Variants in PTPRD observed in about 807,000 individuals in gnomAD.
The protein encoded by PTPRD is receptor-type tyrosine-protein phosphatase delta.
Under a neutral mutation model 214.5 loss-of-function variants are expected in PTPRD, and 34 were observed. That is an observed-to-expected ratio of 0.16 (90% CI 0.12 to 0.21). The LOEUF (loss-of-function observed/expected upper bound fraction) is 0.21. Ranked by LOEUF, PTPRD falls within the 10% of genes least tolerant of loss-of-function variation. PTPRD has a pLI of 1.00. For missense variants in PTPRD, 2,545 were observed against 2,398.7 expected (o/e 1.06, Z -1.27); for synonymous variants, 1,128 against 845.7 (o/e 1.33, Z -5.79).
intron 9 of PTPRD, among the ~76,000 whole-genome samples, chr9:9,219,709 G>A (rs1366262959): frequency 6.6e-6 from 1 of 152,174 alleles, no homozygotes; most frequent in Non-Finnish European, 1.5e-5. Flanking sequence ...TTGAGCACAA[G>A]TAAACCTTTG....
chr9:8,515,998 G>A (rs2097775203), intron 21 of PTPRD, among the ~76,000 whole-genome samples: 1 of 152,082 alleles, frequency 6.6e-6, no homozygotes, highest in South Asian at 2.1e-4. Context: ...TTCAAACCCT[G>A]GTTATGTTAC....
At chr9:8,341,598 C>T (rs768715853) in intron 40 of PTPRD, 95 bp downstream of exon 40, 38 of 1,395,868 alleles carry the variant, frequency 2.7e-5, no homozygotes, top group Non-Finnish European at 3.4e-5. Flanking sequence ...GAATCTTGTA[C>T]TTCACAAATT....
At chr9:9,987,062 G>A (rs114127557) in intron 4 of PTPRD, among the ~76,000 whole-genome samples, 202 of 152,220 alleles carry the variant, frequency 1.3e-3, no homozygotes, top group African/African-American at 4.7e-3. Flanking sequence ...AAGGGAAATC[G>A]AGAGAGCTTG....
chr9:8,451,261 C>T (rs187814617), intron 33 of PTPRD, among the ~76,000 whole-genome samples: 17 of 152,250 alleles, frequency 1.1e-4, no homozygotes, highest in African/African-American at 3.6e-4. Context: ...GTTGCTTTCT[C>T]GGTACCTTAG....
chr9:8,431,740 C>T (rs1407241703), intron 35 of PTPRD, among the ~76,000 whole-genome samples: 1 of 152,158 alleles, frequency 6.6e-6, no homozygotes, highest in East Asian at 1.9e-4. Context: ...TTTGTGGATA[C>T]CACAGCTGAC....
chr9:9,426,623 G>C (rs2081038929), intron 8 of PTPRD, among the ~76,000 whole-genome samples: 1 of 152,312 alleles, frequency 6.6e-6, no homozygotes, highest in Admixed American at 6.5e-5. Flanking sequence ...GTGGGACCCT[G>C]ACCCCCGAGT....
At chr9:9,196,915 T>G (rs1000831076) in intron 9 of PTPRD, among the ~76,000 whole-genome samples, 1 of 152,116 alleles carries the variant, frequency 6.6e-6, no homozygotes, top group Non-Finnish European at 1.5e-5. Flanking sequence ...CATAAACCAT[T>G]TCATGGAATA....
chr9:8,446,554 T>C (rs886076136), intron 34 of PTPRD, among the ~76,000 whole-genome samples: 1 of 152,220 alleles, frequency 6.6e-6, no homozygotes, highest in African/African-American at 2.4e-5. Context: ...GTACTGGTTA[T>C]ATAAATCACA....
intron 2 of PTPRD, among the ~76,000 whole-genome samples, chr9:10,401,534 T>C (rs981908860): frequency 6.6e-6 from 1 of 150,720 alleles, no homozygotes; most frequent in Non-Finnish European, 1.5e-5. Flanking sequence ...GTATATATAG[T>C]ATATCTGTGG....
intron 14 of PTPRD, among the ~76,000 whole-genome samples, chr9:8,616,305 G>C (rs2095610492): frequency 6.6e-6 from 1 of 152,084 alleles, no homozygotes. Context: ...GACTTTTCAA[G>C]TTGTAACATG....
chr9:9,152,843 G>C (rs2099878018), intron 10 of PTPRD, among the ~76,000 whole-genome samples: 1 of 152,162 alleles, frequency 6.6e-6, no homozygotes, highest in African/African-American at 2.4e-5. Context: ...CAGATAAATT[G>C]CTTGATTAGA....
intron 5 of PTPRD, among the ~76,000 whole-genome samples, chr9:9,835,052 T>A (rs73641379): frequency 0.048 from 7,299 of 152,136 alleles, 564 homozygotes; most frequent in African/African-American, 0.16. Flanking sequence ...CTTAGTTACA[T>A]AATCATCCAA....
intron 14 of PTPRD, among the ~76,000 whole-genome samples, chr9:8,533,779 C>A (rs2076277027): frequency 6.6e-6 from 1 of 151,960 alleles, no homozygotes; most frequent in African/African-American, 2.4e-5. Flanking sequence ...CAATGTTCAA[C>A]AAATACTCAC....
chr9:9,512,107 A>G (rs1013409004), intron 8 of PTPRD, among the ~76,000 whole-genome samples: 1 of 151,808 alleles, frequency 6.6e-6, no homozygotes. Context: ...GCATCTCACT[A>G]TAAGTTTAAT....
chr9:10,266,961 C>G (rs545995826), intron 3 of PTPRD, among the ~76,000 whole-genome samples: 2 of 151,700 alleles, frequency 1.3e-5, no homozygotes, highest in Non-Finnish European at 2.9e-5. Flanking sequence ...GAGGCCGAGG[C>G]GGGCGAATCA....
chr9:9,498,409 A>C (rs988594946), intron 8 of PTPRD, among the ~76,000 whole-genome samples: 6 of 152,140 alleles, frequency 3.9e-5, no homozygotes, highest in Admixed American at 2.6e-4. Flanking sequence ...TCCAGGTTAT[A>C]AACTTGGACT....
intron 4 of PTPRD, among the ~76,000 whole-genome samples, chr9:10,030,705 A>T (rs1476271354): frequency 6.6e-6 from 1 of 152,040 alleles, no homozygotes; most frequent in Non-Finnish European, 1.5e-5. Flanking sequence ...GAAAAATTCC[A>T]GTTGAGAAAA....
At chr9:9,913,704 C>T (rs963386960) in intron 5 of PTPRD, among the ~76,000 whole-genome samples, 2 of 152,176 alleles carry the variant, frequency 1.3e-5, no homozygotes, top group Non-Finnish European at 2.9e-5. Flanking sequence ...CCTATGTAAA[C>T]ATCTACAGTC....
chr9:8,564,913 G>GT (rs768951426), intron 14 of PTPRD, among the ~76,000 whole-genome samples: 135 of 152,140 alleles, frequency 8.9e-4, no homozygotes, highest in Non-Finnish European at 1.7e-3. Flanking sequence ...TAGCCACATT[G>GT]TAAGTGTTAA....
Sources: allele counts gnomAD v4.1 joint callset (sites outside exome capture counted in the v4.1 genomes callset), GRCh38; gene constraint gnomAD v4.1.1; transcripts MANE v1.5; gene names NCBI Gene and HGNC (gene_info 2026-07-23, HGNC 2026-07-21).